The following TIAM1 variants were observed in gnomAD, a reference collection of about 807,000 sequenced individuals.
The protein encoded by TIAM1 is TIAM Rac1 associated GEF 1.
TIAM1 carries 65 observed loss-of-function variants against 163.5 expected under a neutral mutation model. That is an observed-to-expected ratio of 0.40 (90% CI 0.33 to 0.49). The LOEUF is 0.49. Ranked by LOEUF, TIAM1 falls within the 20% of genes least tolerant of loss-of-function variation. TIAM1 has a pLI of 0.77. For missense variants in TIAM1, 1,789 were observed against 2,044.7 expected, an observed-to-expected ratio of 0.87 and a Z score of 2.41; for synonymous variants, 833 against 810.1, an observed-to-expected ratio of 1.03 and a Z score of -0.48.
intron 1 of TIAM1, among the ~76,000 whole-genome samples, chr21:31,488,189 A>C (rs1839319269): frequency 6.6e-6 from 1 of 152,200 alleles, no homozygotes. Flanking sequence ...GTCAGGCAGG[A>C]ATGTCTATGC....
intron 2 of TIAM1, among the ~76,000 whole-genome samples, chr21:31,374,237 G>C (rs576671150): frequency 6.6e-6 from 1 of 152,214 alleles, no homozygotes; most frequent in Non-Finnish European, 1.5e-5. Context: ...GCAGCGGGCA[G>C]GGGGCGATCC....
intron 1 of TIAM1, among the ~76,000 whole-genome samples, chr21:31,521,745 A>AACACACACACACACACACACACACAC (rs35006738): frequency 1.5e-4 from 22 of 146,862 alleles, no homozygotes; most frequent in Non-Finnish European, 2.5e-4. Context: ...CTCACACACA[A>AACACACACACACACACACACACACAC]ACACACACAC....
At chr21:31,501,224 C>T (rs1177346008) in intron 1 of TIAM1, among the ~76,000 whole-genome samples, 2 of 152,166 alleles carry the variant, frequency 1.3e-5, no homozygotes, top group African/African-American at 2.4e-5. Context: ...TCCATTACTG[C>T]AGAGGCTGGT....
At chr21:31,482,026 G>A (rs1374977174) in intron 1 of TIAM1, among the ~76,000 whole-genome samples, 1 of 149,814 alleles carries the variant, frequency 6.7e-6, no homozygotes, top group Admixed American at 6.7e-5. Context: ...AGATTCCAAG[G>A]GTTTGGAGAA....
chr21:31,247,535 C>A (rs892948003), intron 5 of TIAM1, among the ~76,000 whole-genome samples: 2 of 151,838 alleles, frequency 1.3e-5, no homozygotes, highest in Non-Finnish European at 2.9e-5. Flanking sequence ...GCTGGAACTA[C>A]AGGCATATAC....
At chr21:31,134,241 T>C (rs1012989129) in intron 23 of TIAM1, among the ~76,000 whole-genome samples, 1 of 152,152 alleles carries the variant, frequency 6.6e-6, no homozygotes, top group East Asian at 1.9e-4. Context: ...TGACTGCTAG[T>C]CTGTAGTCCC....
At chr21:31,474,747 T>C (rs763769510) in intron 1 of TIAM1, among the ~76,000 whole-genome samples, 3 of 151,928 alleles carry the variant, frequency 2.0e-5, no homozygotes, top group East Asian at 1.9e-4. Context: ...GTTTCCTCCA[T>C]GTTGGTCAGG....
At chr21:31,150,897 T>A (rs939633928) in intron 19 of TIAM1, among the ~76,000 whole-genome samples, 3 of 152,126 alleles carry the variant, frequency 2.0e-5, no homozygotes, top group African/African-American at 7.2e-5. Flanking sequence ...AGTAAACAAA[T>A]AACCCAGTAA....
intron 20 of TIAM1, among the ~76,000 whole-genome samples, chr21:31,144,745 C>T (rs1462668632): frequency 7.0e-6 from 1 of 142,694 alleles, no homozygotes; most frequent in Non-Finnish European, 1.5e-5. Context: ...AGGATAATCA[C>T]TTGAACCTGG....
chr21:31,352,744 G>A (rs900111801), intron 2 of TIAM1, among the ~76,000 whole-genome samples: 39 of 151,802 alleles, frequency 2.6e-4, no homozygotes, highest in Admixed American at 1.7e-3. Context: ...GGATGGTAAC[G>A]CACACCTGTA....
chr21:31,437,167 C>T (rs1174485173), intron 2 of TIAM1, among the ~76,000 whole-genome samples: 1 of 151,992 alleles, frequency 6.6e-6, no homozygotes, highest in Non-Finnish European at 1.5e-5. Context: ...CAAAGTTAAG[C>T]TCATATTATA....
chr21:31,515,058 A>G (rs2047336078), intron 1 of TIAM1, among the ~76,000 whole-genome samples: 1 of 152,210 alleles, frequency 6.6e-6, no homozygotes, highest in African/African-American at 2.4e-5. Flanking sequence ...GCCAAAGGAC[A>G]TTGTGGATTT....
chr21:31,353,300 C>T (rs939690459), intron 2 of TIAM1, among the ~76,000 whole-genome samples: 1 of 152,196 alleles, frequency 6.6e-6, no homozygotes, highest in Non-Finnish European at 1.5e-5. Flanking sequence ...GTACCCTCAA[C>T]TCGCAGTAAT....
intron 15 of TIAM1, among the ~76,000 whole-genome samples, chr21:31,181,549 A>T (rs940373970): frequency 6.6e-6 from 1 of 151,846 alleles, no homozygotes; most frequent in African/African-American, 2.4e-5. Context: ...TTCAGTCTTC[A>T]GGTTGAAAAA....
rs71191197 is a variant in TIAM1, at chr21:31,228,220, TAAAAAAAAAAAAAAAAAAAAAAA to T, written c.1585-2293_1585-2271del. On this transcript the variant is annotated intron_variant, in intron 6 of 27. Transcript: ENST00000541036. ...GCCACCATGCCCGGCCTCCTTTTTT[TAAAAAAAAAAAAAAAAAAAAAAA>T]AAAAAAAAAAAAAAAAGGAAGGAAA... 1.6e-3 allele frequency among the ~76,000 whole-genome samples: 26 copies of T among 16,258 alleles called. 1 individual carries two copies. The South Asian group carries it at 0.039, about 25-fold the overall frequency. The allele number at this position is 16,258 out of a possible 152,430, so 10.7% of individuals were successfully genotyped here.
chr21:31,496,599 G>A (rs2046656740), intron 1 of TIAM1, among the ~76,000 whole-genome samples: 1 of 149,684 alleles, frequency 6.7e-6, no homozygotes, highest in African/African-American at 2.4e-5. Flanking sequence ...GTAAGCTACT[G>A]TTATTATTAA....
chr21:31,427,665 T>C (rs990260691), intron 2 of TIAM1, among the ~76,000 whole-genome samples: 2 of 150,298 alleles, frequency 1.3e-5, no homozygotes, highest in African/African-American at 4.9e-5. Context: ...CTATGAAAAA[T>C]TTTTTTTAAA....
intron 2 of TIAM1, among the ~76,000 whole-genome samples, chr21:31,455,705 C>T (rs749610801): frequency 6.6e-6 from 1 of 152,158 alleles, no homozygotes; most frequent in African/African-American, 2.4e-5. Context: ...TAGAACACAG[C>T]GATTCTGTGA....
chr21:31,278,048 T>A (rs1175446117), intron 2 of TIAM1, among the ~76,000 whole-genome samples: 1 of 152,124 alleles, frequency 6.6e-6, no homozygotes, highest in East Asian at 1.9e-4. Flanking sequence ...TACAGAATGA[T>A]TCCCATGTCC....
Sources: allele counts gnomAD v4.1 joint callset (sites outside exome capture counted in the v4.1 genomes callset), GRCh38; gene constraint gnomAD v4.1.1; transcripts MANE v1.5; gene names NCBI Gene and HGNC (gene_info 2026-07-23, HGNC 2026-07-21).